Variants in PTPRD observed in about 807,000 individuals in gnomAD.
PTPRD encodes protein tyrosine phosphatase receptor type D, also known as receptor-type tyrosine-protein phosphatase delta.
Under a neutral mutation model 214.5 loss-of-function variants are expected in PTPRD, and 34 were observed. The ratio of observed to expected loss-of-function variants is 0.16; its 90% confidence interval spans 0.12 to 0.21. The LOEUF (loss-of-function observed/expected upper bound fraction) is 0.21, where lower values mean the gene tolerates loss of function less well. PTPRD is among the 10% of genes least tolerant of loss of function. The pLI, the probability that PTPRD is intolerant of heterozygous loss-of-function variation, is 1.00. For synonymous variants in PTPRD, 1,128 were observed against 845.7 expected, an observed-to-expected ratio of 1.33 and a Z score of -5.79; for missense variants, 2,545 against 2,398.7, an observed-to-expected ratio of 1.06 and a Z score of -1.27.
At chr9:10,156,071 T>A (rs1459586141) in intron 3 of PTPRD, among the ~76,000 whole-genome samples, 1 of 135,510 alleles carries the variant, frequency 7.4e-6, no homozygotes, top group Admixed American at 8.4e-5. Context: ...TTTGCTCTTT[T>A]GAATGTTTGT....
At chr9:8,551,716 T>C (rs977651090) in intron 14 of PTPRD, among the ~76,000 whole-genome samples, 1 of 152,230 alleles carries the variant, frequency 6.6e-6, no homozygotes, top group Non-Finnish European at 1.5e-5. Flanking sequence ...ACAAAGTTTA[T>C]AGGTGTAATA....
At chr9:10,590,408 G>A (rs2075129387) in intron 2 of PTPRD, among the ~76,000 whole-genome samples, 2 of 151,744 alleles carry the variant, frequency 1.3e-5, no homozygotes, top group South Asian at 2.1e-4. Context: ...TAATTACTAC[G>A]CCAAGAGATA....
chr9:8,507,233 T>A, intron 22 of PTPRD, 68 bp downstream of exon 22: 2 of 1,549,452 alleles, frequency 1.3e-6, no homozygotes, highest in Non-Finnish European at 1.7e-6. Flanking sequence ...TGTGGATAAA[T>A]ACACAAAAAT....
Position 9,046,865 on chromosome 9 carries a change from G to A in PTPRD, c.-142-28130C>T, listed in dbSNP as rs549280173. Among the ~76,000 whole-genome samples, 208 of 152,212 alleles carry A rather than the reference G, an allele frequency of 1.4e-3. 1 individual carries two copies. The highest frequency in any genetic ancestry group is 4.7e-3 in the African/African-American group (196 of 41,542). On this transcript the variant is annotated intron_variant, in intron 10 of 45. Transcript: ENST00000381196. ...TCTTCTAAGATCTGTAACATGACAAGGATGCTCAATTTTACCACTGTTACT... is the reference window on the plus strand; with the variant it reads ...TCTTCTAAGATCTGTAACATGACAAAGATGCTCAATTTTACCACTGTTACT...
intron 2 of PTPRD, among the ~76,000 whole-genome samples, chr9:10,607,109 C>A (rs1276968308): frequency 6.6e-6 from 1 of 151,584 alleles, no homozygotes; most frequent in Non-Finnish European, 1.5e-5. Context: ...TGTATATAAT[C>A]GAATATGAAA....
At chr9:9,278,614 T>C (rs1946524425) in intron 9 of PTPRD, among the ~76,000 whole-genome samples, 1 of 151,334 alleles carries the variant, frequency 6.6e-6, no homozygotes, top group South Asian at 2.1e-4. Flanking sequence ...GAGGTGATAC[T>C]TGTACAGACA....
At position 9,112,363 on chromosome 9, in the gene PTPRD, C is replaced by T. The variant is rs560542689; in HGVS notation, c.-143+70941G>A. Among the ~76,000 whole-genome samples, 132 of 152,234 alleles carry T rather than the reference C, an allele frequency of 8.7e-4. 1 individual carries two copies. The highest frequency in any genetic ancestry group is 3.1e-3 in the African/African-American group (129 of 41,548). ...CTGAGACACTTCTTAATTTTCCCCTCCTCTCCAGCCTCTAACATTCCTCAT... is the reference window on the plus strand; with the variant it reads ...CTGAGACACTTCTTAATTTTCCCCTTCTCTCCAGCCTCTAACATTCCTCAT... On this transcript the variant is annotated intron_variant, in intron 10 of 45. Coordinates refer to ENST00000381196, the MANE Select transcript of PTPRD (RefSeq NM_002839.4).
At chr9:9,752,327 C>G (rs1435974831) in intron 6 of PTPRD, among the ~76,000 whole-genome samples, 2 of 151,994 alleles carry the variant, frequency 1.3e-5, no homozygotes, top group East Asian at 3.9e-4. Flanking sequence ...CATTAGCAGG[C>G]TTAAATGGTA....
chr9:10,377,633 A>C (rs2097756780), intron 2 of PTPRD, among the ~76,000 whole-genome samples: 1 of 152,020 alleles, frequency 6.6e-6, no homozygotes, highest in African/African-American at 2.4e-5. Context: ...ATCATTTTTT[A>C]TGGCTGCATA....
intron 9 of PTPRD, among the ~76,000 whole-genome samples, chr9:9,321,725 G>A (rs937204821): frequency 2.0e-5 from 3 of 152,064 alleles, no homozygotes; most frequent in Non-Finnish European, 4.4e-5. Flanking sequence ...CATTAGCAAA[G>A]TTATTTATTT....
chr9:10,376,900 A>G (rs775594289), intron 2 of PTPRD, among the ~76,000 whole-genome samples: 1 of 152,036 alleles, frequency 6.6e-6, no homozygotes, highest in African/African-American at 2.4e-5. Context: ...TTTGTGTTAT[A>G]AACAATCCAA....
chr9:9,036,209 TAA>T (rs34390768), intron 10 of PTPRD, among the ~76,000 whole-genome samples: 1 of 141,126 alleles, frequency 7.1e-6, no homozygotes, highest in Admixed American at 7.1e-5. Context: ...TTCAGAAAAT[TAA>T]AAAAAAAAAA....
chr9:9,143,940 T>C (rs1160747434), intron 10 of PTPRD, among the ~76,000 whole-genome samples: 1 of 152,224 alleles, frequency 6.6e-6, no homozygotes, highest in Non-Finnish European at 1.5e-5. Context: ...ATGTGATCAT[T>C]CATCCAGAGA....
At chr9:9,166,677 C>G (rs1038516885) in intron 10 of PTPRD, among the ~76,000 whole-genome samples, 2 of 152,106 alleles carry the variant, frequency 1.3e-5, no homozygotes, top group African/African-American at 4.8e-5. Context: ...TCACTACAAC[C>G]TGTAATTTGA....
At chr9:8,890,332 G>T (rs2098528090) in intron 11 of PTPRD, among the ~76,000 whole-genome samples, 1 of 152,202 alleles carries the variant, frequency 6.6e-6, no homozygotes, top group Non-Finnish European at 1.5e-5. Context: ...GTGCTAGGAA[G>T]TAAGAGATAC....
intron 8 of PTPRD, among the ~76,000 whole-genome samples, chr9:9,409,460 G>C (rs1330932641): frequency 6.6e-6 from 1 of 151,926 alleles, no homozygotes; most frequent in Non-Finnish European, 1.5e-5. Context: ...CAAATATGCA[G>C]TATTAAATTA....
chr9:10,577,458 A>T (rs552299572), intron 2 of PTPRD, among the ~76,000 whole-genome samples: 1 of 152,300 alleles, frequency 6.6e-6, no homozygotes, highest in Non-Finnish European at 1.5e-5. Context: ...CCTCCAACTG[A>T]TATTGACTGG....
At chr9:9,390,576 T>C (rs547286083) in intron 9 of PTPRD, among the ~76,000 whole-genome samples, 1 of 152,222 alleles carries the variant, frequency 6.6e-6, no homozygotes, top group South Asian at 2.1e-4. Flanking sequence ...AATGTGTTAT[T>C]ATTGTTATTA....
At chr9:9,451,176 A>G (rs948984488) in intron 8 of PTPRD, among the ~76,000 whole-genome samples, 1 of 151,826 alleles carries the variant, frequency 6.6e-6, no homozygotes, top group Non-Finnish European at 1.5e-5. Flanking sequence ...GGTGCAATAC[A>G]CAGAAGGAAA....
Sources: allele counts gnomAD v4.1 joint callset (sites outside exome capture counted in the v4.1 genomes callset), GRCh38; gene constraint gnomAD v4.1.1; transcripts MANE v1.5; gene names NCBI Gene and HGNC (gene_info 2026-07-23, HGNC 2026-07-21).